PIK3CB: variants seen among roughly 807,000 people sequenced by gnomAD.
PIK3CB encodes the protein phosphatidylinositol 4,5-bisphosphate 3-kinase catalytic subunit beta isoform.
In PIK3CB, 39 loss-of-function variants were observed where a neutral mutation model predicts 136.8. That is an observed-to-expected ratio of 0.29 (90% CI 0.22 to 0.37). The LOEUF is 0.37. Among genes scored for constraint, PIK3CB ranks in the 10% least tolerant of loss-of-function variants. The probability of loss-of-function intolerance (pLI) is 1.00; values close to 1 mark genes in which losing one functional copy is unlikely to be tolerated. For synonymous variants in PIK3CB, 428 were observed against 436.6 expected (o/e 0.98, Z 0.25); for missense variants, 868 against 1,275.4 (o/e 0.68, Z 4.87).
intron 19 of PIK3CB, among the ~76,000 whole-genome samples, chr3:138,668,907 C>T (rs1462616527): frequency 6.6e-6 from 1 of 152,190 alleles, no homozygotes; most frequent in African/African-American, 2.4e-5. Flanking sequence ...TTAGCTTCTA[C>T]TTATGAGTGA....
At chr3:138,809,277 CA>C (rs199881045) in intron 1 of PIK3CB, among the ~76,000 whole-genome samples, 1 of 146,188 alleles carries the variant, frequency 6.8e-6, no homozygotes. Context: ...GATTCTGTCT[CA>C]AAAAAAAACT....
intron 4 of PIK3CB, among the ~76,000 whole-genome samples, chr3:138,747,913 T>G (rs2045393440): frequency 6.6e-6 from 1 of 152,114 alleles, no homozygotes; most frequent in Non-Finnish European, 1.5e-5. Flanking sequence ...ATATGACAAC[T>G]TTTTCAAAAA....
chr3:138,720,783 G>A (rs574493897), intron 8 of PIK3CB, among the ~76,000 whole-genome samples: 76 of 152,206 alleles, frequency 5.0e-4, no homozygotes, highest in African/African-American at 1.8e-3. Context: ...TGGGAGGATC[G>A]CCTGAGCCCT....
At chr3:138,756,433 A>T (rs553584046) in intron 3 of PIK3CB, among the ~76,000 whole-genome samples, 70 of 152,278 alleles carry the variant, frequency 4.6e-4, no homozygotes, top group Non-Finnish European at 7.6e-4. Flanking sequence ...TCAAAAAAAA[A>T]TTTTAATTTA....
intron 2 of PIK3CB, among the ~76,000 whole-genome samples, chr3:138,789,458 CA>C (rs1442635466): frequency 1.3e-5 from 2 of 151,122 alleles, no homozygotes; most frequent in Non-Finnish European, 3.0e-5. Context: ...GACCCTATCT[CA>C]AAAAAAATAA....
intron 8 of PIK3CB, among the ~76,000 whole-genome samples, chr3:138,717,151 G>C (rs1383999450): frequency 2.0e-5 from 3 of 151,438 alleles, no homozygotes. Flanking sequence ...CTACTCAGGA[G>C]GCTGAGACAG....
intron 11 of PIK3CB, among the ~76,000 whole-genome samples, chr3:138,706,223 G>A (rs931582155): frequency 6.6e-6 from 1 of 152,148 alleles, no homozygotes; most frequent in African/African-American, 2.4e-5. Flanking sequence ...GGATGACAGA[G>A]AAATACTCCA....
Position 138,707,286 on chromosome 3 carries a change from T to A in PIK3CB, c.1403A>T (p.Glu468Val), listed in dbSNP as rs2108560739. Residue 468 changes from glutamate to valine, a missense_variant, in exon 11 of 24, where the codon GAA (glutamate) becomes GTA (valine). Glu to Val is a moderately radical substitution (Grantham distance 121, BLOSUM62 -2). This residue lies in a region of PIK3CB where 612 missense variants were observed against 801.1 expected (regional missense o/e 0.76). Coordinates refer to ENST00000674063, the MANE Select transcript of PIK3CB (RefSeq NM_006219.3). ...ILHSWSSFPD[E>V]LEEMLNPMGT... ...CATTGGATTCAACATTTCTTCGAGT[T>A]CATCTAAAACATGCAAATAATTTTG... is the stretch of plus-strand genomic sequence containing the variant. 6.3e-7 allele frequency: 1 copy of A among 1,596,124 alleles called. No homozygotes were observed. The highest frequency in any genetic ancestry group is 8.5e-7 in the Non-Finnish European group (1 of 1,173,988).
intron 19 of PIK3CB, among the ~76,000 whole-genome samples, chr3:138,681,041 GT>G (rs533702208): frequency 3.1e-5 from 4 of 127,324 alleles, no homozygotes; most frequent in African/African-American, 2.9e-5. Flanking sequence ...TTTCATGTTA[GT>G]TTTTTTTTTG....
intron 4 of PIK3CB, among the ~76,000 whole-genome samples, chr3:138,750,035 G>A (rs540965772): frequency 6.6e-6 from 1 of 152,162 alleles, no homozygotes; most frequent in East Asian, 1.9e-4. Flanking sequence ...ACACCACCAT[G>A]CCTGAGTAAT....
In PIK3CB at chr3:138,811,577, G is replaced by A. The variant is rs190877937; in HGVS notation, c.-121-15010C>T. Among the ~76,000 whole-genome samples the A allele has an allele frequency of 8.5e-3, 1,294 of 151,576 alleles. 25 individuals carry two copies. The highest frequency in any genetic ancestry group is 0.028 in the African/African-American group (1,173 of 41,330). ...AGTAGCTGAGATTACAGGCGCCCGC[G>A]ACCACACCTGGCTAATTTTTGTATT... On this transcript the variant is annotated intron_variant, in intron 1 of 23. Transcript: ENST00000674063.
chr3:138,827,982 C>T (rs1933858140), intron 1 of PIK3CB, among the ~76,000 whole-genome samples: 2 of 150,760 alleles, frequency 1.3e-5, no homozygotes, highest in Admixed American at 6.6e-5. Flanking sequence ...AGCGAGACTC[C>T]GTCTCAAAAA....
chr3:138,801,814 G>A (rs1363334145), intron 1 of PIK3CB, among the ~76,000 whole-genome samples: 2 of 132,930 alleles, frequency 1.5e-5, no homozygotes, highest in Admixed American at 8.9e-5. Context: ...AGTGAGCAGA[G>A]ATTGGGCCAC....
intron 4 of PIK3CB, among the ~76,000 whole-genome samples, chr3:138,752,568 G>A (rs2045492317): frequency 6.6e-6 from 1 of 152,060 alleles, no homozygotes; most frequent in African/African-American, 2.4e-5. Context: ...AATTAGGTGG[G>A]CGTGGTGGTG....
At chr3:138,826,452 C>T (rs1211973267) in intron 1 of PIK3CB, 2 of 670,692 alleles carry the variant, frequency 3.0e-6, no homozygotes, top group East Asian at 2.9e-5. Flanking sequence ...TAACAATGCA[C>T]TGTAAACCCC....
intron 21 of PIK3CB, among the ~76,000 whole-genome samples, chr3:138,658,441 C>T (rs1287678806): frequency 6.6e-6 from 1 of 151,930 alleles, no homozygotes; most frequent in African/African-American, 2.4e-5. Flanking sequence ...CAGAGTAAGA[C>T]CCTGTCTCAA....
chr3:138,806,987 T>A (rs935160718), intron 1 of PIK3CB, among the ~76,000 whole-genome samples: 4 of 152,236 alleles, frequency 2.6e-5, no homozygotes, highest in Admixed American at 2.6e-4. Flanking sequence ...ATACATAAAT[T>A]ATATGCATAC....
chr3:138,737,394 CAAAAAAAAAAAAAAA>C (rs11344311), intron 6 of PIK3CB, among the ~76,000 whole-genome samples: 5 of 39,068 alleles, frequency 1.3e-4, no homozygotes, highest in East Asian at 1.2e-3. Flanking sequence ...CACTCTGTCT[CAAAAAAAAAAAAAAA>C]AAAAAAAAAA....
chr3:138,763,257 G>C (rs2045687279), intron 2 of PIK3CB, among the ~76,000 whole-genome samples: 1 of 152,062 alleles, frequency 6.6e-6, no homozygotes, highest in South Asian at 2.1e-4. Context: ...TCCTGCTTCA[G>C]CCTCCTGAGT....
Sources: gnomAD v4.1 joint callset for allele counts (sites outside exome capture counted in the v4.1 genomes callset) on GRCh38, gnomAD v4.1.1 for gene constraint, gnomAD v4.1.1 regional missense constraint, MANE v1.5 for transcripts, NCBI Gene and HGNC (gene_info 2026-07-23, HGNC 2026-07-21) for gene names.